The following EVA1C variants were observed in gnomAD, a reference collection of about 807,000 sequenced individuals.
The protein encoded by EVA1C is protein eva-1 homolog C.
EVA1C carries 25 observed loss-of-function variants against 45.4 expected under a neutral mutation model. The observed-to-expected ratio is 0.55, with a 90% confidence interval of 0.40 to 0.77. The LOEUF (loss-of-function observed/expected upper bound fraction) is 0.77, where lower values mean the gene tolerates loss of function less well. Among genes scored for constraint, EVA1C ranks in the 30% least tolerant of loss-of-function variants. The probability of loss-of-function intolerance (pLI) is 0.00; values close to 1 mark genes in which losing one functional copy is unlikely to be tolerated. For missense variants in EVA1C, 479 were observed against 554.8 expected (o/e 0.86, Z 1.37); for synonymous variants, 190 against 221.2 (o/e 0.86, Z 1.25).
At chr21:32,433,789 A>G (rs1348835909) in intron 1 of EVA1C, among the ~76,000 whole-genome samples, 1 of 152,088 alleles carries the variant, frequency 6.6e-6, no homozygotes, top group African/African-American at 2.4e-5. Context: ...ATTTGGAGAT[A>G]GTCATTACAA....
intron 1 of EVA1C, among the ~76,000 whole-genome samples, chr21:32,443,030 G>A (rs1439219658): frequency 7.5e-6 from 1 of 132,574 alleles, no homozygotes; most frequent in African/African-American, 2.8e-5. Context: ...GGGAAGGAAG[G>A]AGGAAGGGTG....
At chr21:32,434,095 G>A (rs1351027984) in intron 1 of EVA1C, among the ~76,000 whole-genome samples, 1 of 151,934 alleles carries the variant, frequency 6.6e-6, no homozygotes, top group Non-Finnish European at 1.5e-5. Flanking sequence ...AGGAGTTCAA[G>A]ACCAGCCTGG....
At chr21:32,482,814 C>A (rs920398393) in intron 4 of EVA1C, among the ~76,000 whole-genome samples, 2 of 142,658 alleles carry the variant, frequency 1.4e-5, no homozygotes, top group South Asian at 2.2e-4. Context: ...TGTCCTGCCC[C>A]CTTCAGGGTT....
intron 4 of EVA1C, among the ~76,000 whole-genome samples, chr21:32,480,752 C>G (rs1321366174): frequency 6.6e-6 from 1 of 152,136 alleles, no homozygotes; most frequent in African/African-American, 2.4e-5. Flanking sequence ...CACCTGAGGT[C>G]AGGAGTTTGA....
intron 4 of EVA1C, among the ~76,000 whole-genome samples, chr21:32,476,144 T>C (rs1275267058): frequency 5.3e-5 from 8 of 149,590 alleles, no homozygotes; most frequent in Non-Finnish European, 1.2e-4. Flanking sequence ...CTTTTGCCTC[T>C]TTTTTTTTTC....
intron 5 of EVA1C, chr21:32,496,961 A>G: frequency 2.1e-6 from 3 of 1,413,410 alleles, no homozygotes; most frequent in East Asian, 4.6e-5. Flanking sequence ...CCAAATGTGC[A>G]GGTTGGAGAT....
chr21:32,495,267 A>C, intron 5 of EVA1C, 97 bp downstream of exon 5: 1 of 1,284,028 alleles, frequency 7.8e-7, no homozygotes, highest in Non-Finnish European at 1.1e-6. Flanking sequence ...AGAACAAGCC[A>C]AACACTGCTC....
Position 32,412,919 on chromosome 21 carries a change from C to T in EVA1C, c.66C>T (p.Arg22=), listed in dbSNP as rs1452783948. The T allele has an allele frequency of 6.6e-7, 1 of 1,525,532 alleles. No homozygotes were observed. Among genetic ancestry groups the T allele is most frequent in the South Asian group, 1.2e-5 (1 of 81,792 alleles). The allele number at this position is 1,525,532 out of a possible 1,614,324, so 94.5% of individuals were successfully genotyped here. A position where few individuals can be genotyped will look rare whatever the true frequency, so the allele number is the denominator to read the frequency against. Residue 22 remains arginine, a synonymous_variant, in exon 1 of 8, where the codon CGC becomes CGT. Coordinates refer to ENST00000300255, the MANE Select transcript of EVA1C (RefSeq NM_058187.5). Reference sequence around the variant, plus strand: ...AGCCCGTGCAGCATCCCGGCCTCCGCCGGCAGGTAGAGCCGCCGGGGCAGC... The same window carrying T: ...AGCCCGTGCAGCATCCCGGCCTCCGTCGGCAGGTAGAGCCGCCGGGGCAGC... ...TPQPVQHPGL[R]RQVEPPGQLL...
intron 1 of EVA1C, among the ~76,000 whole-genome samples, chr21:32,422,052 A>C (rs1006040781): frequency 1.3e-5 from 2 of 151,718 alleles, no homozygotes; most frequent in African/African-American, 4.8e-5. Context: ...CTCAAAAAAA[A>C]AAAAAAAAAA....
chr21:32,457,840 A>C, intron 3 of EVA1C, 120 bp downstream of exon 3: 1 of 1,095,232 alleles, frequency 9.1e-7, no homozygotes, highest in South Asian at 1.5e-5. Flanking sequence ...TAACAGACAC[A>C]TTGGGCTCCA....
At chr21:32,424,450 G>C (rs1446597024) in intron 1 of EVA1C, among the ~76,000 whole-genome samples, 1 of 152,032 alleles carries the variant, frequency 6.6e-6, no homozygotes, top group Non-Finnish European at 1.5e-5. Flanking sequence ...TAATTTTACA[G>C]TCTCTTTTTC....
At chr21:32,415,652 CCCT>C (rs771760799) in intron 1 of EVA1C, among the ~76,000 whole-genome samples, 139 of 152,136 alleles carry the variant, frequency 9.1e-4, no homozygotes, top group Non-Finnish European at 1.3e-3. Context: ...CATCATGGCC[CCCT>C]CCTCCTCCCT....
rs757437737 is a variant in EVA1C at position 32,467,866 on chromosome 21, TGTATTAGCCAGG to T, written c.634+21_634+32del. The T allele has an allele frequency of 2.5e-6, 4 of 1,581,042 alleles. No homozygotes were observed. The East Asian group carries it at 9.2e-5, about 36-fold the overall frequency. ...CCCTTTCGGTATGTGCTTTTGTGTG[TGTATTAGCCAGG>T]GTTCTCTAGAGGGACAGAATTAATA... is the stretch of plus-strand genomic sequence containing the variant. On this transcript the variant is annotated intron_variant, in intron 4 of 7. Transcript: ENST00000300255.
At chr21:32,423,069 T>TAAA (rs2034345639) in intron 1 of EVA1C, among the ~76,000 whole-genome samples, 1 of 2,192 alleles carries the variant, frequency 4.6e-4, no homozygotes. Context: ...AGACTCTGTC[T>TAAA]CAAAAAAAAA....
chr21:32,505,270 T>A (rs1057384737), intron 7 of EVA1C, among the ~76,000 whole-genome samples: 30 of 152,184 alleles, frequency 2.0e-4, no homozygotes, highest in African/African-American at 7.2e-4. Context: ...TGTGTGTGTG[T>A]TGTGTGGTTG....
intron 1 of EVA1C, among the ~76,000 whole-genome samples, chr21:32,416,121 G>A (rs549998046): frequency 0.3 from 53 of 174 alleles, no homozygotes; most frequent in African/African-American, 0.44. Flanking sequence ...AAAAAGCAAG[G>A]GATCCTCATA....
At chr21:32,430,642 G>T (rs1004133417) in intron 1 of EVA1C, among the ~76,000 whole-genome samples, 2 of 152,064 alleles carry the variant, frequency 1.3e-5, no homozygotes, top group African/African-American at 4.8e-5. Flanking sequence ...ATGGCAGCAG[G>T]CAAGAGAGCT....
chr21:32,419,481 G>A (rs1406514263), intron 1 of EVA1C, among the ~76,000 whole-genome samples: 6 of 152,180 alleles, frequency 3.9e-5, no homozygotes, highest in African/African-American at 1.2e-4. Flanking sequence ...TTGGGAGGCC[G>A]AGGCAGGTGA....
In EVA1C at chr21:32,462,221, T is replaced by TAAAAAA. The variant is rs769281297; in HGVS notation, c.481+4516_481+4521dup. ...GGTAACATAGGGAGACCCCTATCTCTAAAAAAAAAAAAAAAAAAAACAATT... is the reference window on the plus strand; with the variant it reads ...GGTAACATAGGGAGACCCCTATCTCTAAAAAAAAAAAAAAAAAAAAAAAAAACAATT... On this transcript the variant is annotated intron_variant, in intron 3 of 7. Transcript: ENST00000300255. Among the ~76,000 whole-genome samples, 27 of 106,334 alleles carry TAAAAAA rather than the reference T, an allele frequency of 2.5e-4. No individual in the cohort carries two copies. The Admixed American group carries it at 2.6e-3, about 10-fold the overall frequency. The allele number at this position is 106,334 out of a possible 152,430, so 69.8% of individuals were successfully genotyped here. A position where few individuals can be genotyped will look rare whatever the true frequency, so the allele number is the denominator to read the frequency against.
Sources: allele counts gnomAD v4.1 joint callset (sites outside exome capture counted in the v4.1 genomes callset), GRCh38; gene constraint gnomAD v4.1.1; transcripts MANE v1.5; gene names NCBI Gene and HGNC (gene_info 2026-07-23, HGNC 2026-07-21).